The following PBK variants were observed in gnomAD, a reference collection of about 807,000 sequenced individuals.
PBK encodes lymphokine-activated killer T-cell-originated protein kinase.
Under a neutral mutation model 33.5 loss-of-function variants are expected in PBK, and 22 were observed. The ratio of observed to expected loss-of-function variants is 0.66; its 90% CI spans 0.47 to 0.94. PBK has a LOEUF of 0.94. Among genes scored for constraint, PBK ranks in the 40% least tolerant of loss-of-function variants. The pLI is 0.00. For synonymous variants in PBK, 129 were observed against 123.8 expected (o/e 1.04, Z -0.28); for missense variants, 376 against 383.4 (o/e 0.98, Z 0.16).
chr8:27,836,670 G>A (rs1051297209), intron 1 of PBK, among the ~76,000 whole-genome samples: 7 of 152,090 alleles, frequency 4.6e-5, no homozygotes, highest in African/African-American at 1.2e-4. Context: ...ATCTTATGAT[G>A]AGCCTTATGA....
intron 2 of PBK, among the ~76,000 whole-genome samples, chr8:27,830,578 G>A (rs987187785): frequency 6.6e-6 from 1 of 152,198 alleles, no homozygotes; most frequent in Non-Finnish European, 1.5e-5. Context: ...GCTGCCATGT[G>A]GAAATGTCTA....
chr8:27,816,013 A>G (rs1805803551), intron 6 of PBK, among the ~76,000 whole-genome samples: 1 of 152,180 alleles, frequency 6.6e-6, no homozygotes, highest in African/African-American at 2.4e-5. Context: ...GACATGCTTT[A>G]GTTACTATCC....
intron 6 of PBK, among the ~76,000 whole-genome samples, chr8:27,818,384 G>C (rs78749053): frequency 1.1e-4 from 16 of 152,322 alleles, no homozygotes; most frequent in African/African-American, 3.6e-4. Flanking sequence ...CTATTCTAGA[G>C]TTGAGGATAT....
Position 27,823,060 on chromosome 8 carries a change from T to C in PBK, c.295+3A>G. 4 of 1,586,646 alleles carry C rather than the reference T, an allele frequency of 2.5e-6. No homozygotes were observed. Among genetic ancestry groups the C allele is most frequent in the Non-Finnish European group, 3.4e-6 (4 of 1,159,544 alleles). On this transcript the variant is annotated splice_donor_region_variant and intron_variant, in intron 4 of 7. Coordinates refer to ENST00000301905, the MANE Select transcript of PBK (RefSeq NM_018492.4). ...CAGATACTGCTACCAAATTTAAACG[T>C]ACCAACAATGTTTGGATGATGAAGG...
At chr8:27,830,753 TGGCAA>T (rs1806114091) in intron 2 of PBK, among the ~76,000 whole-genome samples, 1 of 152,020 alleles carries the variant, frequency 6.6e-6, no homozygotes, top group South Asian at 2.1e-4. Flanking sequence ...ATGTAGCTAA[TGGCAA>T]AACAGTCCAG....
chr8:27,825,742 T>A (rs1806013255), intron 3 of PBK, among the ~76,000 whole-genome samples: 1 of 152,216 alleles, frequency 6.6e-6, no homozygotes, highest in South Asian at 2.1e-4. Flanking sequence ...ATGCTATTTT[T>A]AAAAAGATAA....
intron 2 of PBK, among the ~76,000 whole-genome samples, chr8:27,831,870 ACT>A (rs1426372108): frequency 7.2e-5 from 11 of 152,062 alleles, no homozygotes. Context: ...TCACAGTTAA[ACT>A]CTTCCTACTA....
intron 2 of PBK, among the ~76,000 whole-genome samples, chr8:27,830,205 GAAA>G (rs35191143): frequency 2.2e-5 from 2 of 92,924 alleles, no homozygotes; most frequent in Admixed American, 1.2e-4. Context: ...TCTGTCTCAA[GAAA>G]AAAAAAAAAA....
At chr8:27,825,530 A>G (rs1326348462) in intron 3 of PBK, among the ~76,000 whole-genome samples, 2 of 152,098 alleles carry the variant, frequency 1.3e-5, no homozygotes, top group Non-Finnish European at 2.9e-5. Flanking sequence ...CCCAGCTTCT[A>G]AAGATGGTAG....
At chr8:27,811,703 G>A (rs1805688061) in intron 6 of PBK, among the ~76,000 whole-genome samples, 1 of 152,104 alleles carries the variant, frequency 6.6e-6, no homozygotes, top group African/African-American at 2.4e-5. Flanking sequence ...ATTCTCATTA[G>A]GATTGGACTA....
chr8:27,830,756 C>T (rs1563495475), intron 2 of PBK, among the ~76,000 whole-genome samples: 3 of 108,748 alleles, frequency 2.8e-5, no homozygotes, highest in Admixed American at 1.7e-4. Flanking sequence ...TAGCTAATGG[C>T]AAAACAGTCC....
intron 1 of PBK, among the ~76,000 whole-genome samples, chr8:27,834,656 G>A (rs1282283650): frequency 6.6e-6 from 1 of 152,166 alleles, no homozygotes; most frequent in Non-Finnish European, 1.5e-5. Context: ...CACTTTGGGA[G>A]GCCAAGGCAG....
intron 1 of PBK, among the ~76,000 whole-genome samples, chr8:27,835,301 C>G (rs948032459): frequency 1.3e-5 from 2 of 152,142 alleles, no homozygotes; most frequent in African/African-American, 4.8e-5. Flanking sequence ...CACCGAAGAG[C>G]CCCTTTACAT....
At chr8:27,816,648 T>G (rs1805821138) in intron 6 of PBK, among the ~76,000 whole-genome samples, 1 of 152,016 alleles carries the variant, frequency 6.6e-6, no homozygotes, top group Non-Finnish European at 1.5e-5. Context: ...AGTGCTGGGA[T>G]TACAGGTGTC....
intron 1 of PBK, among the ~76,000 whole-genome samples, chr8:27,835,143 G>C (rs1006317425): frequency 2.6e-5 from 4 of 152,024 alleles, no homozygotes; most frequent in Admixed American, 2.6e-4. Context: ...TTTTTATAGA[G>C]CCCTTAATAA....
At chr8:27,820,841 T>TA (rs762252751) in intron 5 of PBK, 147 bp from the exon 6 acceptor site, 16 of 441,336 alleles carry the variant, frequency 3.6e-5, no homozygotes, top group Non-Finnish European at 5.8e-5. Context: ...TTTTTTTTTT[T>TA]AAAACGGAGT....
rs1806257644 is a variant in PBK at position 27,837,811 on chromosome 8, G to A, written c.-180C>T. On this transcript the variant is annotated 5_prime_UTR_variant, in exon 1 of 8. Transcript: ENST00000301905. ...CTGCCGTTGCAATTCGAACCCTCCT[G>A]GCTTTCAAAAAGTCGCGCGCTGCGC... The A allele has an allele frequency of 6.6e-6, 1 of 152,232 alleles. No individual in the cohort carries two copies. Among genetic ancestry groups the A allele is most frequent in the African/African-American group, 2.4e-5 (1 of 41,450 alleles). 9.4% of individuals were successfully genotyped at this position (152,232 alleles called of 1,614,324 possible).
chr8:27,820,613 T>C lies in PBK; in HGVS notation c.547A>G (p.Lys183Glu), dbSNP rs1336111807. ...AGAGAGACTCCTACATCACAGATTT[T>C]AATTGTTTCAAAATCGCCTTTAATT... The part of the protein sequence containing the change: ...VVIKGDFETI[K>E]ICDVGVSLPL... Residue 183 changes from lysine (K) to glutamate (E), a missense_variant, in exon 6 of 8, where the codon AAA becomes GAA. Lys to Glu is a moderately conservative substitution (Grantham distance 56, BLOSUM62 1). Coordinates refer to ENST00000301905, the MANE Select transcript of PBK (RefSeq NM_018492.4). 6.4e-7 allele frequency: 1 copy of C among 1,573,558 alleles called. No homozygotes were observed. Among genetic ancestry groups the C allele is most frequent in the African/African-American group, 1.3e-5 (1 of 74,170 alleles).
intron 2 of PBK, among the ~76,000 whole-genome samples, chr8:27,832,441 G>A (rs1806147824): frequency 6.6e-6 from 1 of 152,136 alleles, no homozygotes; most frequent in African/African-American, 2.4e-5. Context: ...CATACAGACT[G>A]GGGAACAAAG....
Sources: gnomAD v4.1 joint callset for allele counts (sites outside exome capture counted in the v4.1 genomes callset) on GRCh38, gnomAD v4.1.1 for gene constraint, MANE v1.5 for transcripts, NCBI Gene and HGNC (gene_info 2026-07-23, HGNC 2026-07-21) for gene names.